The following FILIP1L variants were observed in gnomAD, a reference collection of about 807,000 sequenced individuals.
FILIP1L encodes filamin A interacting protein 1 like, also known as filamin A-interacting protein 1-like.
FILIP1L carries 55 observed loss-of-function variants against 96.6 expected under a neutral mutation model. The observed-to-expected ratio is 0.57, with a 90% confidence interval of 0.46 to 0.71. FILIP1L has a LOEUF of 0.71. Among genes scored for constraint, FILIP1L ranks in the 30% least tolerant of loss-of-function variants. The pLI, the probability that FILIP1L is intolerant of heterozygous loss-of-function variation, is 0.00. For synonymous variants in FILIP1L, 467 were observed against 473.9 expected (o/e 0.99, Z 0.19); for missense variants, 1,304 against 1,321.2 (o/e 0.99, Z 0.20).
chr3:99,905,166 A>G (rs1280754113), intron 4 of FILIP1L, among the ~76,000 whole-genome samples: 3 of 152,122 alleles, frequency 2.0e-5, no homozygotes, highest in African/African-American at 7.2e-5. Flanking sequence ...GAATGTAGGC[A>G]TTTGCCAGGA....
chr3:99,916,233 C>T (rs1281516876), intron 4 of FILIP1L, among the ~76,000 whole-genome samples: 1 of 152,144 alleles, frequency 6.6e-6, no homozygotes, highest in African/African-American at 2.4e-5. Context: ...GGGTTAATTG[C>T]ACTGGCACAT....
In FILIP1L at chr3:99,917,167, C is replaced by T. The variant is rs7612083; in HGVS notation, c.605+7063G>A. ...GTATTATAGAGTATTTACTGTATGT[C>T]CTGCATTCTCCTAGGGCTGTGCTGG... On this transcript the variant is annotated intron_variant, in intron 4 of 5. Coordinates refer to ENST00000477258, the MANE Select transcript of FILIP1L (RefSeq NM_001387850.1). 4.5e-3 allele frequency among the ~76,000 whole-genome samples: 688 copies of T among 152,218 alleles called. 7 individuals carry two copies. Among genetic ancestry groups the T allele is most frequent in the African/African-American group, 0.016 (675 of 41,510 alleles).
intron 1 of FILIP1L, among the ~76,000 whole-genome samples, chr3:99,989,060 TA>T (rs1275000740): frequency 6.6e-6 from 1 of 152,230 alleles, no homozygotes; most frequent in Non-Finnish European, 1.5e-5. Flanking sequence ...TTCCATCTCA[TA>T]AACTTACTTA....
intron 1 of FILIP1L, among the ~76,000 whole-genome samples, chr3:99,957,810 A>G (rs1415279458): frequency 6.7e-6 from 1 of 148,428 alleles, no homozygotes; most frequent in Non-Finnish European, 1.5e-5. Flanking sequence ...TTTTTCACAC[A>G]TAGCTTGTTT....
intron 1 of FILIP1L, among the ~76,000 whole-genome samples, chr3:99,954,748 C>T (rs1708271086): frequency 6.6e-6 from 1 of 151,996 alleles, no homozygotes. Flanking sequence ...ATCGCTTGAA[C>T]CCGGGAGGTG....
At chr3:100,089,269 T>G (rs1283618464) in intron 1 of FILIP1L, among the ~76,000 whole-genome samples, 1 of 152,212 alleles carries the variant, frequency 6.6e-6, no homozygotes, top group East Asian at 1.9e-4. Flanking sequence ...GTATTTGCCC[T>G]ACAGGAAGTA....
At chr3:99,984,987 A>T (rs1357417561) in intron 1 of FILIP1L, among the ~76,000 whole-genome samples, 1 of 152,188 alleles carries the variant, frequency 6.6e-6, no homozygotes, top group Non-Finnish European at 1.5e-5. Flanking sequence ...AAATGAGATA[A>T]CTCGTGTTAA....
At chr3:99,966,298 G>A (rs1471021753) in intron 1 of FILIP1L, among the ~76,000 whole-genome samples, 2 of 152,218 alleles carry the variant, frequency 1.3e-5, no homozygotes, top group East Asian at 3.9e-4. Context: ...ATCTCCTGGG[G>A]CAAAGCAGCC....
Position 99,851,663 on chromosome 3 carries a change from G to T in FILIP1L, c.606-593C>A, listed in dbSNP as rs992608905. Among the ~76,000 whole-genome samples the T allele has an allele frequency of 2.0e-5, 3 of 152,118 alleles. No homozygotes were observed. In the East Asian group the frequency reaches 5.8e-4, roughly 29 times the overall value. ...ATATGGTTATTATATTTATCAAATG[G>T]CTTGCTTGAACCAAAGTGTTCAATT... On this transcript the variant is annotated intron_variant, in intron 4 of 5. Coordinates refer to ENST00000477258, the MANE Select transcript of FILIP1L (RefSeq NM_001387850.1).
chr3:100,056,984 A>C (rs560078265), intron 1 of FILIP1L, among the ~76,000 whole-genome samples: 1 of 152,286 alleles, frequency 6.6e-6, no homozygotes, highest in South Asian at 2.1e-4. Context: ...AGCCTGGGCA[A>C]CAGAGCGAGA....
At position 99,893,110 on chromosome 3, in the gene FILIP1L, AC is replaced by A. The variant is rs556496603; in HGVS notation, c.605+31119del. 2.2e-3 allele frequency among the ~76,000 whole-genome samples: 330 copies of A among 148,210 alleles called. 4 individuals carry two copies. Among genetic ancestry groups the A allele is most frequent in the African/African-American group, 8.0e-3 (320 of 40,048 alleles). ...AGAAATCTGGGGATTTTTAGAAGAC[AC>A]CTTTCTGCTTTCAGGTATCTCTATT... On this transcript the variant is annotated intron_variant, in intron 4 of 5. Transcript: ENST00000477258.
chr3:100,082,802 G>A (rs951064699), intron 1 of FILIP1L, among the ~76,000 whole-genome samples: 2 of 152,086 alleles, frequency 1.3e-5, no homozygotes, highest in Admixed American at 1.3e-4. Flanking sequence ...TTTCAGCATG[G>A]TAGTCATAGA....
At chr3:99,845,158 G>A (rs541851896) in intron 5 of FILIP1L, among the ~76,000 whole-genome samples, 85 of 152,258 alleles carry the variant, frequency 5.6e-4, no homozygotes, top group African/African-American at 2.0e-3. Flanking sequence ...TTTCTTATGT[G>A]TACAGATTCA....
chr3:99,893,425 A>C (rs916496488), intron 4 of FILIP1L, among the ~76,000 whole-genome samples: 3 of 152,078 alleles, frequency 2.0e-5, no homozygotes, highest in Admixed American at 6.6e-5. Context: ...TCGGCCTCCC[A>C]AAGTGCTGGG....
At position 99,968,581 on chromosome 3, in the gene FILIP1L, G is replaced by A. The variant is rs534581027; in HGVS notation, c.-10-37551C>T. Among the ~76,000 whole-genome samples, 12 of 152,188 alleles carry A rather than the reference G, an allele frequency of 7.9e-5. No individual in the cohort carries two copies. In the East Asian group the frequency reaches 1.4e-3, roughly 17 times the overall value. ...ATATCAGTGGTGTTTAAAATCAAGAGCAAATGAAATTGCACAAGGAGAATA... is the reference window on the plus strand; with the variant it reads ...ATATCAGTGGTGTTTAAAATCAAGAACAAATGAAATTGCACAAGGAGAATA... On this transcript the variant is annotated intron_variant, in intron 1 of 5. Coordinates refer to ENST00000477258, the MANE Select transcript of FILIP1L (RefSeq NM_001387850.1).
intron 1 of FILIP1L, among the ~76,000 whole-genome samples, chr3:99,970,690 A>G (rs1708787371): frequency 1.3e-5 from 2 of 152,370 alleles, no homozygotes. Flanking sequence ...GACATTCTGT[A>G]TATGGGATAT....
intron 1 of FILIP1L, chr3:100,010,134 A>G (rs751856712): frequency 6.0e-5 from 58 of 969,920 alleles, no homozygotes; most frequent in Non-Finnish European, 7.1e-5. Flanking sequence ...TTTTTAGGTA[A>G]GTCATCTGAT....
chr3:100,095,792 G>A (rs1232450046), intron 1 of FILIP1L, among the ~76,000 whole-genome samples: 1 of 152,100 alleles, frequency 6.6e-6, no homozygotes, highest in African/African-American at 2.4e-5. Context: ...AACTTAAAAA[G>A]CTTCTGCCCA....
intron 4 of FILIP1L, among the ~76,000 whole-genome samples, chr3:99,859,193 T>C (rs1451042145): frequency 2.6e-5 from 4 of 152,270 alleles, no homozygotes; most frequent in Non-Finnish European, 5.9e-5. Context: ...TCAGCTGACA[T>C]TTAATTCATT....
Sources: gnomAD v4.1 joint callset for allele counts (sites outside exome capture counted in the v4.1 genomes callset) on GRCh38, gnomAD v4.1.1 for gene constraint, MANE v1.5 for transcripts, NCBI Gene and HGNC (gene_info 2026-07-23, HGNC 2026-07-21) for gene names.